The following PARD3B variants were observed in gnomAD, a reference collection of about 807,000 sequenced individuals.
PARD3B encodes the protein partitioning defective 3 homolog B.
Under a neutral mutation model 130.2 loss-of-function variants are expected in PARD3B, and 103 were observed. The observed-to-expected ratio is 0.79, with a 90% CI of 0.67 to 0.93. PARD3B has a LOEUF of 0.93. PARD3B is among the 40% of genes least tolerant of loss of function. The pLI is 0.00. For synonymous variants in PARD3B, 583 were observed against 553.2 expected (o/e 1.05, Z -0.76); for missense variants, 1,609 against 1,499.2 (o/e 1.07, Z -1.21).
chr2:204,657,548 A>G (rs934504548), intron 1 of PARD3B, among the ~76,000 whole-genome samples: 3 of 152,094 alleles, frequency 2.0e-5, no homozygotes, highest in African/African-American at 2.4e-5. Flanking sequence ...AATTCCTGCT[A>G]GAGAAACCAA....
At chr2:205,354,026 C>CTTTTTTTTTTTTTTTTTT (rs869308018) in intron 18 of PARD3B, among the ~76,000 whole-genome samples, 9 of 50,356 alleles carry the variant, frequency 1.8e-4, no homozygotes, top group Non-Finnish European at 2.1e-4. Context: ...TTTTCTTTTC[C>CTTTTTTTTTTTTTTTTTT]TTTTTTTTTT....
chr2:204,975,822 G>A (rs1692091724), intron 3 of PARD3B, among the ~76,000 whole-genome samples: 1 of 152,148 alleles, frequency 6.6e-6, no homozygotes, highest in African/African-American at 2.4e-5. Flanking sequence ...CTGTGTTAAG[G>A]GGTGAATTGA....
chr2:204,641,270 G>A (rs2035066932), intron 1 of PARD3B, among the ~76,000 whole-genome samples: 1 of 150,852 alleles, frequency 6.6e-6, no homozygotes, highest in Admixed American at 6.6e-5. Context: ...ATGTGGATGA[G>A]CAGGCATTTG....
chr2:204,688,354 T>C lies in PARD3B; in HGVS notation c.222+2072T>C, dbSNP rs374687828. On this transcript the variant is annotated intron_variant, in intron 2 of 22. Transcript: ENST00000406610. ...TAGCACTTTGGGAGGCTAAGGTGGG[T>C]GGATCACGAGGTCAGGAGATCAGGA... Among the ~76,000 whole-genome samples, 15 of 152,026 alleles carry C rather than the reference T, an allele frequency of 9.9e-5. No individual in the cohort carries two copies. The South Asian group carries it at 1.0e-3, about 11-fold the overall frequency.
At chr2:205,484,580 CA>C (rs2049366528) in intron 20 of PARD3B, among the ~76,000 whole-genome samples, 1 of 152,038 alleles carries the variant, frequency 6.6e-6, no homozygotes, top group Non-Finnish European at 1.5e-5. Context: ...CATGCTCTTC[CA>C]AACCTCCTGT....
chr2:205,213,059 G>C (rs546333798), intron 15 of PARD3B, among the ~76,000 whole-genome samples: 2 of 152,174 alleles, frequency 1.3e-5, no homozygotes, highest in African/African-American at 2.4e-5. Flanking sequence ...ATTTAACTTT[G>C]ATGGTTGGGC....
At chr2:204,653,370 C>T (rs1411301609) in intron 1 of PARD3B, among the ~76,000 whole-genome samples, 2 of 150,772 alleles carry the variant, frequency 1.3e-5, no homozygotes, top group Admixed American at 1.3e-4. Context: ...GTTAAAGTAA[C>T]TTTTCACTTG....
Position 205,265,205 on chromosome 2 carries a change from A to G in PARD3B, c.2185+19383A>G, listed in dbSNP as rs2040458826. Among the ~76,000 whole-genome samples, 1 of 151,998 alleles carries G rather than the reference A, an allele frequency of 6.6e-6. No homozygotes were observed. Among genetic ancestry groups the G allele is most frequent in the Non-Finnish European group, 1.5e-5 (1 of 67,918 alleles). ...GAGTTTCATCACATTATTGTGTGTA[A>G]GATATATTTACAAGAGACTTAGACA... On this transcript the variant is annotated intron_variant, in intron 16 of 22. Coordinates refer to ENST00000406610, the MANE Select transcript of PARD3B (RefSeq NM_001302769.2). The surrounding 1 kb of genome is among the most constrained non-coding windows in gnomAD (Gnocchi z 4.3).
intron 2 of PARD3B, among the ~76,000 whole-genome samples, chr2:204,926,354 T>G (rs533268377): frequency 1.1e-4 from 16 of 152,268 alleles, no homozygotes; most frequent in African/African-American, 3.6e-4. Context: ...AGCAGCTAAT[T>G]ATCATTTCTT....
At chr2:204,789,872 CTTT>C (rs386392368) in intron 2 of PARD3B, among the ~76,000 whole-genome samples, 2 of 139,386 alleles carry the variant, frequency 1.4e-5, no homozygotes, top group Non-Finnish European at 1.6e-5. Context: ...TAGTTTTCTT[CTTT>C]TTTTTTTTTT....
intron 2 of PARD3B, among the ~76,000 whole-genome samples, chr2:204,861,924 CAAAAAAAAAAAAAA>C (rs60473341): frequency 3.8e-4 from 13 of 34,068 alleles, no homozygotes; most frequent in African/African-American, 9.7e-4. Context: ...AGACATTTCT[CAAAAAAAAAAAAAA>C]AAAAAAAAAA....
chr2:205,573,181 A>G (rs2053619945), intron 22 of PARD3B, among the ~76,000 whole-genome samples: 1 of 152,182 alleles, frequency 6.6e-6, no homozygotes, highest in Admixed American at 6.5e-5. Context: ...TATGGAAACT[A>G]TAGTTCAAGA....
At chr2:205,432,540 G>C (rs541769771) in intron 19 of PARD3B, among the ~76,000 whole-genome samples, 29 of 152,184 alleles carry the variant, frequency 1.9e-4, no homozygotes, top group African/African-American at 7.0e-4. Flanking sequence ...TATATCTGCT[G>C]TCTCTCTACC....
intron 2 of PARD3B, among the ~76,000 whole-genome samples, chr2:204,793,081 A>G (rs967068620): frequency 6.6e-6 from 1 of 152,156 alleles, no homozygotes; most frequent in African/African-American, 2.4e-5. Flanking sequence ...GTTTAATCCA[A>G]GGTGATCAAA....
intron 1 of PARD3B, among the ~76,000 whole-genome samples, chr2:204,683,414 A>C: frequency 6.6e-6 from 1 of 152,220 alleles, no homozygotes; most frequent in East Asian, 1.9e-4. Flanking sequence ...GATGGCAATA[A>C]AACCATGTAA....
intron 4 of PARD3B, among the ~76,000 whole-genome samples, chr2:205,082,071 A>G (rs1163340630): frequency 6.6e-6 from 1 of 152,144 alleles, no homozygotes; most frequent in Non-Finnish European, 1.5e-5. Flanking sequence ...TTTAAGTTCC[A>G]TCTTTCTTAT....
At chr2:205,442,539 G>A (rs2047756353) in intron 20 of PARD3B, among the ~76,000 whole-genome samples, 1 of 152,072 alleles carries the variant, frequency 6.6e-6, no homozygotes, top group Admixed American at 6.6e-5. Flanking sequence ...CTGACCTCAT[G>A]ATCCACCCAC....
At chr2:205,343,534 A>C (rs181417443) in intron 18 of PARD3B, among the ~76,000 whole-genome samples, 2 of 152,360 alleles carry the variant, frequency 1.3e-5, no homozygotes, top group East Asian at 3.9e-4. Context: ...CCTTACACAT[A>C]GGTCCTGTGT....
In PARD3B at chr2:205,206,733, G is replaced by C. The variant is rs543916100; in HGVS notation, c.2140+13413G>C. ...TTATAGTCCTTTGGGTATATACCCA[G>C]TAATGGGATGGCTGGGTCAAATGGT... On this transcript the variant is annotated intron_variant, in intron 15 of 22. Transcript: ENST00000406610. Among the ~76,000 whole-genome samples the C allele has an allele frequency of 3.3e-5, 5 of 152,172 alleles. No homozygotes were observed. The South Asian group carries it at 6.2e-4, about 19-fold the overall frequency.
Sources: allele counts gnomAD v4.1 joint callset (sites outside exome capture counted in the v4.1 genomes callset), GRCh38; gene constraint gnomAD v4.1.1; non-coding constraint Gnocchi (gnomAD v3.1); transcripts MANE v1.5; gene names NCBI Gene and HGNC (gene_info 2026-07-23, HGNC 2026-07-21).